Variants in TTC39B observed in about 807,000 individuals in gnomAD.
TTC39B encodes the protein tetratricopeptide repeat domain 39B.
Under a neutral mutation model 96.6 loss-of-function variants are expected in TTC39B, and 92 were observed. That is an observed-to-expected ratio of 0.95 (90% CI 0.80 to 1.13). The LOEUF is 1.13. Ranked by LOEUF, TTC39B falls within the 50% of genes most tolerant of loss-of-function variation. The pLI is 0.00. For missense variants in TTC39B, 955 were observed against 809.3 expected, an observed-to-expected ratio of 1.18 and a Z score of -2.18; for synonymous variants, 367 against 299.4, an observed-to-expected ratio of 1.23 and a Z score of -2.33.
chr9:15,251,337 T>C (rs1293494404), intron 2 of TTC39B, among the ~76,000 whole-genome samples: 3 of 151,854 alleles, frequency 2.0e-5, no homozygotes, highest in Non-Finnish European at 4.4e-5. Context: ...CCAAGGTGGG[T>C]GGATCACCTG....
At position 15,172,227 on chromosome 9, in the gene TTC39B, C is replaced by T. The variant is rs936642804; in HGVS notation, c.1959-118G>A. 8.5e-5 allele frequency: 49 copies of T among 578,216 alleles called. No homozygotes were observed. The East Asian group carries it at 1.2e-3, about 15-fold the overall frequency. 35.8% of individuals were successfully genotyped at this position (578,216 alleles called of 1,614,324 possible). On this transcript the variant is annotated intron_variant, in intron 19 of 19. Transcript: ENST00000512701. ...ACTTTCAAACTCTAATATACATAAC[C>T]GTAGATCTTAGTAAAATGCAGATTC...
At chr9:15,293,549 G>C (rs1824266183) in intron 1 of TTC39B, among the ~76,000 whole-genome samples, 1 of 152,060 alleles carries the variant, frequency 6.6e-6, no homozygotes. Context: ...AGGAATGCAA[G>C]ATCCTAGGAC....
chr9:15,206,742 T>C (rs980392385), intron 6 of TTC39B, among the ~76,000 whole-genome samples: 1 of 151,354 alleles, frequency 6.6e-6, no homozygotes, highest in East Asian at 1.9e-4. Flanking sequence ...ACAAGTTTAT[T>C]AGTTTATTTT....
At chr9:15,255,197 T>C (rs1290405733) in intron 2 of TTC39B, among the ~76,000 whole-genome samples, 2 of 152,094 alleles carry the variant, frequency 1.3e-5, no homozygotes, top group African/African-American at 4.8e-5. Flanking sequence ...TCCCCAAATA[T>C]CTCTTCAGTT....
intron 2 of TTC39B, among the ~76,000 whole-genome samples, chr9:15,232,904 G>C (rs186754088): frequency 6.6e-6 from 1 of 152,202 alleles, no homozygotes; most frequent in Admixed American, 6.5e-5. Flanking sequence ...GGCCAGTGGT[G>C]CCGGGAGACG....
At chr9:15,176,878 C>A (rs994471988) in intron 18 of TTC39B, among the ~76,000 whole-genome samples, 1 of 152,184 alleles carries the variant, frequency 6.6e-6, no homozygotes, top group Admixed American at 6.5e-5. Context: ...AAGGGCCAGG[C>A]ATCAGTACCC....
chr9:15,241,442 T>A (rs778779927), intron 2 of TTC39B, among the ~76,000 whole-genome samples: 1 of 152,168 alleles, frequency 6.6e-6, no homozygotes, highest in Admixed American at 6.5e-5. Context: ...GAATGCCATA[T>A]TCCAGGCATG....
intron 8 of TTC39B, among the ~76,000 whole-genome samples, chr9:15,196,607 T>A (rs1420472799): frequency 1.3e-5 from 2 of 152,192 alleles, no homozygotes; most frequent in Non-Finnish European, 2.9e-5. Flanking sequence ...GACACTTTAA[T>A]GGATGAGGAG....
intron 2 of TTC39B, among the ~76,000 whole-genome samples, chr9:15,237,086 G>A (rs890299972): frequency 1.3e-4 from 19 of 151,902 alleles, no homozygotes; most frequent in Admixed American, 9.8e-4. Flanking sequence ...AGGCCCAGGC[G>A]GATGGATCAC....
At chr9:15,281,911 C>CAAGTGAT (rs1823779915) in intron 1 of TTC39B, among the ~76,000 whole-genome samples, 1 of 152,134 alleles carries the variant, frequency 6.6e-6, no homozygotes. Context: ...CTCCTGACCT[C>CAAGTGAT]AAGTGATCCA....
chr9:15,282,601 G>A (rs946040724), intron 1 of TTC39B, among the ~76,000 whole-genome samples: 3 of 152,114 alleles, frequency 2.0e-5, no homozygotes, highest in Non-Finnish European at 4.4e-5. Flanking sequence ...GGATGCTAAC[G>A]AAGTCACAAT....
Position 15,273,126 on chromosome 9 carries a change from C to T in TTC39B, c.241-5178G>A, listed in dbSNP as rs182309915. 5.1e-4 allele frequency among the ~76,000 whole-genome samples: 78 copies of T among 152,292 alleles called. 2 individuals are homozygous for T. Among genetic ancestry groups the T allele is most frequent in the African/African-American group, 1.8e-3 (75 of 41,570 alleles). ...GAACATTTGAGTGGAAGAGCAGGTT[C>T]TTGATGTTCATTTAAGAATCTTAAT... On this transcript the variant is annotated intron_variant, in intron 1 of 19. Coordinates refer to ENST00000512701, the Ensembl canonical transcript of TTC39B.
chr9:15,213,491 C>T (rs1820326834), intron 4 of TTC39B, among the ~76,000 whole-genome samples: 1 of 152,142 alleles, frequency 6.6e-6, no homozygotes, highest in East Asian at 1.9e-4. Context: ...ACCCTGGTAA[C>T]CACTCAAAGT....
chr9:15,207,742 T>C (rs953757697), intron 6 of TTC39B, among the ~76,000 whole-genome samples: 7 of 151,820 alleles, frequency 4.6e-5, no homozygotes, highest in African/African-American at 1.2e-4. Flanking sequence ...TCCCAGTACT[T>C]CGGGAGGCTG....
chr9:15,248,446 G>A (rs531267366), intron 2 of TTC39B, among the ~76,000 whole-genome samples: 1 of 152,222 alleles, frequency 6.6e-6, no homozygotes, highest in South Asian at 2.1e-4. Context: ...TTCTACAGGT[G>A]AAAAATTACC....
At chr9:15,284,181 G>A (rs1301316323) in intron 1 of TTC39B, among the ~76,000 whole-genome samples, 1 of 152,212 alleles carries the variant, frequency 6.6e-6, no homozygotes, top group Non-Finnish European at 1.5e-5. Context: ...GCCAATAAAT[G>A]TGGAAATGTG....
chr9:15,296,163 G>A (rs1418720443), intron 1 of TTC39B, among the ~76,000 whole-genome samples: 3 of 152,216 alleles, frequency 2.0e-5, no homozygotes, highest in African/African-American at 7.2e-5. Flanking sequence ...CCTCAAAGAA[G>A]CTGTGACTGG....
rs923307818 is a variant in TTC39B, at chr9:15,280,214, T to C, written c.241-12266A>G. Among the ~76,000 whole-genome samples, 4 of 152,198 alleles carry C rather than the reference T, an allele frequency of 2.6e-5. No homozygotes were observed. In the South Asian group the frequency reaches 6.2e-4, roughly 24 times the overall value. ...TGCCCGGCCTGTAAATAAAGTGCTA[T>C]TGAAACACAGCCACAACTCAATCAA... On this transcript the variant is annotated intron_variant, in intron 1 of 19. Transcript: ENST00000512701.
chr9:15,185,612 T>C (rs1415121679), intron 15 of TTC39B: 1 of 574,114 alleles, frequency 1.7e-6, no homozygotes, highest in East Asian at 3.9e-5. Context: ...ATCTAGATTT[T>C]GATAAGCCCT....
Sources: allele counts gnomAD v4.1 joint callset (sites outside exome capture counted in the v4.1 genomes callset), GRCh38; gene constraint gnomAD v4.1.1; transcripts MANE v1.5; gene names NCBI Gene and HGNC (gene_info 2026-07-23, HGNC 2026-07-21).